The following SAFB variants were observed in gnomAD, a reference collection of about 807,000 sequenced individuals.
SAFB encodes scaffold attachment factor B, also known as scaffold attachment factor B1.
SAFB carries 15 observed loss-of-function variants against 101.6 expected under a neutral mutation model. The ratio of observed to expected loss-of-function variants is 0.15; its 90% CI spans 0.10 to 0.23. The LOEUF is 0.23. Ranked by LOEUF, SAFB falls within the 10% of genes least tolerant of loss-of-function variation. SAFB has a pLI of 1.00. For missense variants in SAFB, 930 were observed against 1,104.1 expected, an observed-to-expected ratio of 0.84 and a Z score of 2.23; for synonymous variants, 449 against 407.5, an observed-to-expected ratio of 1.10 and a Z score of -1.23.
chr19:5,667,980 C>T lies in SAFB; in HGVS notation c.2624+94C>T. ...ACAACCAAGTCCTTCCAGCTAGTGC[C>T]CCTCCCCCCAAGGGTGACGTGAGGC... is the stretch of plus-strand genomic sequence containing the variant. On this transcript the variant is annotated intron_variant, in intron 20 of 20. Coordinates refer to ENST00000588852, the MANE Select transcript of SAFB (RefSeq NM_001201338.2). The surrounding 1 kb of genome is among the most constrained non-coding windows in gnomAD (Gnocchi z 4.0). The T allele has an allele frequency of 6.9e-7, 1 of 1,441,742 alleles. No homozygotes were observed. The highest frequency in any genetic ancestry group is 9.4e-7 in the Non-Finnish European group (1 of 1,060,792). The allele number at this position is 1,441,742 out of a possible 1,614,324, so 89.3% of individuals were successfully genotyped here.
chr19:5,655,004 G>A (rs34267459), intron 13 of SAFB, among the ~76,000 whole-genome samples: 11 of 152,330 alleles, frequency 7.2e-5, no homozygotes, highest in African/African-American at 2.6e-4. Context: ...GTGTGTGGCA[G>A]TCCACGTTCC....
At chr19:5,668,010 C>CA in intron 20 of SAFB, 124 bp downstream of exon 20, 1 of 1,415,356 alleles carries the variant, frequency 7.1e-7, no homozygotes, top group African/African-American at 1.4e-5. Flanking sequence ...TGAGGCCAGG[C>CA]ATGGGGTACT....
At chr19:5,647,214 C>T (rs1164886316) in intron 5 of SAFB, among the ~76,000 whole-genome samples, 1 of 152,132 alleles carries the variant, frequency 6.6e-6, no homozygotes, top group East Asian at 1.9e-4. Context: ...GGAAAGCCTT[C>T]CTGAAAGGAG....
intron 5 of SAFB, among the ~76,000 whole-genome samples, chr19:5,645,755 G>A (rs2053814165): frequency 6.6e-6 from 1 of 152,222 alleles, no homozygotes; most frequent in South Asian, 2.1e-4. Flanking sequence ...GAGACAGCAA[G>A]AGGGCATGGC....
intron 2 of SAFB, among the ~76,000 whole-genome samples, chr19:5,630,395 G>A (rs968222216): frequency 6.6e-6 from 1 of 152,034 alleles, no homozygotes; most frequent in Non-Finnish European, 1.5e-5. Flanking sequence ...AATCTGATTC[G>A]ACTTGTGGTA....
At chr19:5,630,149 C>G (rs973785632) in intron 2 of SAFB, among the ~76,000 whole-genome samples, 17 of 152,184 alleles carry the variant, frequency 1.1e-4, no homozygotes, top group African/African-American at 4.1e-4. Context: ...TTGCCTGTTA[C>G]CTTGTTGCCT....
intron 2 of SAFB, among the ~76,000 whole-genome samples, chr19:5,627,782 C>T (rs989412745): frequency 1.3e-5 from 2 of 152,164 alleles, no homozygotes; most frequent in African/African-American, 4.8e-5. Flanking sequence ...AATAGCAACT[C>T]GTCTCCTTGG....
intron 5 of SAFB, among the ~76,000 whole-genome samples, chr19:5,646,379 A>C (rs927955543): frequency 2.0e-5 from 3 of 152,178 alleles, no homozygotes; most frequent in African/African-American, 7.2e-5. Flanking sequence ...CCGTCTCTCC[A>C]CCTGCAAATT....
chr19:5,657,750 C>T (rs1568274920), intron 14 of SAFB, among the ~76,000 whole-genome samples: 1 of 151,862 alleles, frequency 6.6e-6, no homozygotes, highest in Non-Finnish European at 1.5e-5. Context: ...GTCTGAAACT[C>T]CTGACCTCAG....
intron 6 of SAFB, among the ~76,000 whole-genome samples, chr19:5,648,559 C>T (rs1044309247): frequency 6.6e-6 from 1 of 152,048 alleles, no homozygotes; most frequent in South Asian, 2.1e-4. Flanking sequence ...TCTCAGAGCA[C>T]GGATGGAAGA....
intron 5 of SAFB, among the ~76,000 whole-genome samples, chr19:5,646,739 T>C (rs1050333478): frequency 2.6e-5 from 4 of 152,194 alleles, no homozygotes; most frequent in Admixed American, 6.5e-5. Context: ...CACCTACTTA[T>C]TGGGTATATG....
At chr19:5,657,468 C>G (rs549141817) in intron 14 of SAFB, 121 bp downstream of exon 14, 145 of 630,752 alleles carry the variant, frequency 2.3e-4, no homozygotes, top group Non-Finnish European at 3.9e-4. Context: ...TTTGCTCCTT[C>G]AGCTTTCAGT....
At chr19:5,642,891 T>C (rs573111850) in intron 4 of SAFB, among the ~76,000 whole-genome samples, 1 of 151,990 alleles carries the variant, frequency 6.6e-6, no homozygotes, top group Non-Finnish European at 1.5e-5. Context: ...GGTTTTGAAC[T>C]CTTGACCTCA....
At chr19:5,643,575 C>T (rs1599345277) in intron 4 of SAFB, among the ~76,000 whole-genome samples, 1 of 152,194 alleles carries the variant, frequency 6.6e-6, no homozygotes, top group African/African-American at 2.4e-5. Context: ...GTTACTTACC[C>T]TTCCTGAATG....
chr19:5,666,325 C>T (rs8104044), intron 17 of SAFB: 46,823 of 152,220 alleles, frequency 0.31, 7,634 homozygotes, highest in Non-Finnish European at 0.36. Context: ...CTTGGTCTTC[C>T]CTGAAACAGC....
chr19:5,662,210 A>G (rs1429553357), intron 15 of SAFB, among the ~76,000 whole-genome samples: 1 of 152,172 alleles, frequency 6.6e-6, no homozygotes. Context: ...ATTCAAAGGA[A>G]GCATAGGCCG....
At chr19:5,664,790 G>A (rs547788761) in intron 17 of SAFB, 14 of 279,152 alleles carry the variant, frequency 5.0e-5, no homozygotes, top group African/African-American at 2.9e-4. Context: ...AGGTGCATCT[G>A]GGGAGGCTGT....
At chr19:5,657,639 C>T (rs1486587398) in intron 14 of SAFB, among the ~76,000 whole-genome samples, 2 of 152,182 alleles carry the variant, frequency 1.3e-5, no homozygotes, top group Admixed American at 6.5e-5. Flanking sequence ...ATTCTCCAGC[C>T]TCAGCCTCCT....
chr19:5,648,281 C>A, intron 6 of SAFB: 1 of 526,198 alleles, frequency 1.9e-6, no homozygotes, highest in Non-Finnish European at 3.3e-6. Flanking sequence ...GAAAGTATCT[C>A]ATGCCTTTTT....
Sources: allele counts gnomAD v4.1 joint callset (sites outside exome capture counted in the v4.1 genomes callset), GRCh38; gene constraint gnomAD v4.1.1; non-coding constraint Gnocchi (gnomAD v3.1); transcripts MANE v1.5; gene names NCBI Gene and HGNC (gene_info 2026-07-23, HGNC 2026-07-21).